Variants in CDK6 observed in about 807,000 individuals in gnomAD.
CDK6 encodes the protein cyclin dependent kinase 6.
A neutral mutation model predicts 37.1 loss-of-function variants in CDK6; 6 were observed. The observed-to-expected ratio is 0.16, with a 90% CI of 0.09 to 0.32. CDK6 has a LOEUF of 0.32. Ranked by LOEUF, CDK6 falls within the 10% of genes least tolerant of loss-of-function variation. The pLI, the probability that CDK6 is intolerant of heterozygous loss-of-function variation, is 1.00. For synonymous variants in CDK6, 160 were observed against 161.3 expected (o/e 0.99, Z 0.06); for missense variants, 224 against 418.9 (o/e 0.53, Z 4.06).
chr7:92,793,758 C>T (rs1001728755), intron 2 of CDK6, among the ~76,000 whole-genome samples: 1 of 151,548 alleles, frequency 6.6e-6, no homozygotes, highest in Non-Finnish European at 1.5e-5. Context: ...ACAGATTCAT[C>T]AAAATTAAAA....
chr7:92,722,169 A>G (rs1208928625), intron 4 of CDK6, among the ~76,000 whole-genome samples: 1 of 151,100 alleles, frequency 6.6e-6, no homozygotes, highest in African/African-American at 2.4e-5. Flanking sequence ...TATTATGTAA[A>G]TATATATATA....
chr7:92,705,753 G>C (rs1449607872), intron 4 of CDK6, among the ~76,000 whole-genome samples: 2 of 152,022 alleles, frequency 1.3e-5, no homozygotes, highest in East Asian at 3.9e-4. Flanking sequence ...TCCTGAATTG[G>C]GCACTAGATA....
At chr7:92,736,729 G>A (rs1798796193) in intron 3 of CDK6, among the ~76,000 whole-genome samples, 1 of 152,112 alleles carries the variant, frequency 6.6e-6, no homozygotes, top group Admixed American at 6.6e-5. Flanking sequence ...ATATTCAGTG[G>A]GTAAGTAGTA....
rs562232189 is a variant in CDK6, at chr7:92,663,937, A to T, written c.647+7489T>A. On this transcript the variant is annotated intron_variant, in intron 5 of 7. Coordinates refer to ENST00000424848, the MANE Select transcript of CDK6 (RefSeq NM_001145306.2). ...GGGAGGCCGAGGCGGGCGGATCAGG[A>T]GGTCAGGAGATCAAGACCACGGTGA... Among the ~76,000 whole-genome samples the T allele has an allele frequency of 8.5e-5, 13 of 152,082 alleles. No individual in the cohort carries two copies. In the South Asian group the frequency reaches 2.7e-3, roughly 32 times the overall value.
In CDK6 at chr7:92,612,035, T is replaced by A. The variant is rs947282943; in HGVS notation, c.*3105A>T. The A allele has an allele frequency of 8.6e-6, 2 of 232,924 alleles. No homozygotes were observed. Among genetic ancestry groups the A allele is most frequent in the African/African-American group, 4.4e-5 (2 of 45,344 alleles). The allele number at this position is 232,924 out of a possible 1,614,324, so 14.4% of individuals were successfully genotyped here. The stretch of plus-strand genomic sequence containing the variant: ...TACAAGTGCTTAGAAATTGTATTTT[T>A]AAGATTAGGTCCTTTTTATTACCCT... On this transcript the variant is annotated 3_prime_UTR_variant, in exon 8 of 8. Coordinates refer to ENST00000424848, the MANE Select transcript of CDK6 (RefSeq NM_001145306.2).
At chr7:92,622,064 C>A (rs1444766929) in intron 6 of CDK6, among the ~76,000 whole-genome samples, 1 of 148,032 alleles carries the variant, frequency 6.8e-6, no homozygotes, top group Non-Finnish European at 1.5e-5. Flanking sequence ...CACTGGGATT[C>A]CTATAAAATG....
intron 3 of CDK6, among the ~76,000 whole-genome samples, chr7:92,742,378 C>T (rs148426915): frequency 1.3e-5 from 2 of 152,324 alleles, no homozygotes; most frequent in Admixed American, 6.5e-5. Context: ...AGGTTTTTAT[C>T]TGCTAAGGCT....
chr7:92,774,846 A>G lies in CDK6; in HGVS notation c.234-15T>C, dbSNP rs2115786599. The G allele has an allele frequency of 6.2e-7, 1 of 1,604,382 alleles. No homozygotes were observed. Among genetic ancestry groups the G allele is most frequent in the Non-Finnish European group, 8.5e-7 (1 of 1,176,748 alleles). On this transcript the variant is annotated splice_polypyrimidine_tract_variant and intron_variant, in intron 2 of 7. Coordinates refer to ENST00000424848, the MANE Select transcript of CDK6 (RefSeq NM_001145306.2). ...CATCAAACAACCTAGAAGAAAAAAC[A>G]AAGAGGTTAAGTAGGTGGCAATAAG...
In CDK6 at chr7:92,740,589, A is replaced by G. The variant is rs73710470; in HGVS notation, c.370-14796T>C. On this transcript the variant is annotated intron_variant, in intron 3 of 7. Transcript: ENST00000424848. ...TGGGGGTGGGATGAGAAAAATAAAG[A>G]AGCATCCTAGGCATTTTACATACAT... 5.8e-3 allele frequency among the ~76,000 whole-genome samples: 883 copies of G among 152,320 alleles called. 3 individuals are homozygous for G. The highest frequency in any genetic ancestry group is 0.02 in the African/African-American group (840 of 41,552).
chr7:92,832,500 C>T (rs1001567279), intron 2 of CDK6, among the ~76,000 whole-genome samples: 2 of 152,188 alleles, frequency 1.3e-5, no homozygotes, highest in African/African-American at 4.8e-5. Context: ...TGGGCATCAG[C>T]ACTCAAACTC....
chr7:92,708,052 G>C (rs1798005853), intron 4 of CDK6, among the ~76,000 whole-genome samples: 1 of 152,118 alleles, frequency 6.6e-6, no homozygotes, highest in Non-Finnish European at 1.5e-5. Flanking sequence ...GGGAAGACGG[G>C]TGAATGAAGG....
chr7:92,680,570 C>T (rs1797313445), intron 4 of CDK6, among the ~76,000 whole-genome samples: 1 of 151,006 alleles, frequency 6.6e-6, no homozygotes, highest in Non-Finnish European at 1.5e-5. Flanking sequence ...TGTCTGAGGT[C>T]AATACAAAGA....
rs1335904949 is a variant in CDK6 at position 92,612,786 on chromosome 7, G to A, written c.*2354C>T. ...CTGCATTTTTCTTGAGTGAACTTATGAAAACACTTTTACAACAGCAAAAAC... is the reference window on the plus strand; with the variant it reads ...CTGCATTTTTCTTGAGTGAACTTATAAAAACACTTTTACAACAGCAAAAAC... On this transcript the variant is annotated 3_prime_UTR_variant, in exon 8 of 8. Transcript: ENST00000424848. 1 of 233,006 alleles carries A rather than the reference G, an allele frequency of 4.3e-6. No homozygotes were observed. Among genetic ancestry groups the A allele is most frequent in the East Asian group, 6.0e-5 (1 of 16,546 alleles). The allele number at this position is 233,006 out of a possible 1,614,324, so 14.4% of individuals were successfully genotyped here.
chr7:92,776,914 C>G (rs1010655986), intron 2 of CDK6, among the ~76,000 whole-genome samples: 1 of 151,984 alleles, frequency 6.6e-6, no homozygotes, highest in African/African-American at 2.4e-5. Flanking sequence ...TAATTTTATT[C>G]CATTTGTCAA....
At chr7:92,631,924 A>G (rs979639103) in intron 5 of CDK6, among the ~76,000 whole-genome samples, 7 of 152,200 alleles carry the variant, frequency 4.6e-5, no homozygotes, top group Non-Finnish European at 8.8e-5. Flanking sequence ...CATTGATACA[A>G]GGAATAAAAA....
intron 4 of CDK6, among the ~76,000 whole-genome samples, chr7:92,712,138 T>C (rs113808952): frequency 0.052 from 7,711 of 147,288 alleles, 674 homozygotes; most frequent in African/African-American, 0.19. Context: ...CTGGTCTGGG[T>C]GAAAGAGCAA....
At chr7:92,720,922 C>T (rs1798350133) in intron 4 of CDK6, among the ~76,000 whole-genome samples, 1 of 152,162 alleles carries the variant, frequency 6.6e-6, no homozygotes, top group African/African-American at 2.4e-5. Context: ...TATAACTTCA[C>T]ATGTCATGAT....
chr7:92,610,345 C>T lies in CDK6; in HGVS notation c.*4795G>A. 4.3e-6 allele frequency: 1 copy of T among 232,118 alleles called. No individual in the cohort carries two copies. Among genetic ancestry groups the T allele is most frequent in the Non-Finnish European group, 8.5e-6 (1 of 117,370 alleles). The allele number at this position is 232,118 out of a possible 1,614,324, so 14.4% of individuals were successfully genotyped here. A position where few individuals can be genotyped will look rare whatever the true frequency, so the allele number is the denominator to read the frequency against. On this transcript the variant is annotated 3_prime_UTR_variant, in exon 8 of 8. Coordinates refer to ENST00000424848, the MANE Select transcript of CDK6 (RefSeq NM_001145306.2). Reference sequence around the variant, plus strand: ...TTCTACTCATTTAGCTAAACGTTATCACTTCCTGGAAATGCTGAGAAATAG... The same window carrying T: ...TTCTACTCATTTAGCTAAACGTTATTACTTCCTGGAAATGCTGAGAAATAG...
intron 6 of CDK6, among the ~76,000 whole-genome samples, chr7:92,621,627 C>A (rs1795806887): frequency 6.6e-6 from 1 of 152,156 alleles, no homozygotes; most frequent in Non-Finnish European, 1.5e-5. Context: ...TCTTTATGAT[C>A]ACATGCACAC....
Sources: allele counts gnomAD v4.1 joint callset (sites outside exome capture counted in the v4.1 genomes callset), GRCh38; gene constraint gnomAD v4.1.1; transcripts MANE v1.5; gene names NCBI Gene and HGNC (gene_info 2026-07-23, HGNC 2026-07-21).